Variants in IGSF22 observed in about 807,000 individuals in gnomAD.
IGSF22 encodes the protein immunoglobulin superfamily, member 22.
Under a neutral mutation model 127.0 loss-of-function variants are expected in IGSF22, and 119 were observed. The ratio of observed to expected loss-of-function variants is 0.94; its 90% CI spans 0.81 to 1.09. The LOEUF is 1.09. Among genes scored for constraint, IGSF22 ranks in the 50% least tolerant of loss-of-function variants. The pLI, the probability that IGSF22 is intolerant of heterozygous loss-of-function variation, is 0.00. For missense variants in IGSF22, 1,518 were observed against 1,716.6 expected (o/e 0.88, Z 2.04); for synonymous variants, 568 against 664.7 (o/e 0.85, Z 2.24).
In IGSF22 at chr11:18,706,104, T is replaced by C; in HGVS notation, c.3623A>G (p.Asp1208Gly). The C allele has an allele frequency of 1.3e-6, 2 of 1,546,752 alleles. No homozygotes were observed. The highest frequency in any genetic ancestry group is 2.4e-5 in the South Asian group (2 of 84,022). ...CACGAAGCGCGGCGCGTGGCGCCAG[T>C]CCTTCTTCTCGTAGGGCTTGAGCTT... ...SAKLKPYEKK[D>G]WRHAPRFVTP... The change falls in exon 22 of 23, where the codon GAC becomes GGC. Residue 1208 changes from aspartate (D) to glycine (G), a missense_variant. By Grantham distance (94) the Asp-to-Gly change is moderately conservative (BLOSUM62 -1). This residue lies in a region of IGSF22 where 1,456 missense variants were observed against 1,644.9 expected (regional missense o/e 0.89). Coordinates refer to ENST00000513874, the MANE Select transcript of IGSF22 (RefSeq NM_173588.4).
At position 18,706,153 on chromosome 11, in the gene IGSF22, G is replaced by C. The variant is rs1000724287; in HGVS notation, c.3581-7C>G. ...TTGGCGCTCAGGTCCTGGACTGCGC[G>C]GGCGGGGCGGGGCAGGCCGTGAGGG... On this transcript the variant is annotated splice_polypyrimidine_tract_variant and splice_region_variant and intron_variant, in intron 21 of 22. Transcript: ENST00000513874. 6.5e-7 allele frequency: 1 copy of C among 1,529,766 alleles called. No homozygotes were observed. The highest frequency in any genetic ancestry group is 8.8e-7 in the Non-Finnish European group (1 of 1,140,648). 94.8% of individuals were successfully genotyped at this position (1,529,766 alleles called of 1,614,324 possible).
intron 7 of IGSF22, 28 bp downstream of exon 7, chr11:18,719,688 A>G: frequency 6.2e-7 from 1 of 1,606,852 alleles, no homozygotes; most frequent in Non-Finnish European, 8.5e-7. Flanking sequence ...CCTAGCCTGC[A>G]GGCCCCTGCT....
Position 18,724,252 on chromosome 11 carries a change from G to A in IGSF22, c.-16C>T. 1.3e-6 allele frequency: 2 copies of A among 1,596,458 alleles called. No homozygotes were observed. Among genetic ancestry groups the A allele is most frequent in the Non-Finnish European group, 1.7e-6 (2 of 1,164,418 alleles). ...TGGTTGTCATGGTGACAGCAGGCGT[G>A]GGCACTCACCTGTGAGACTGGGGAA... On this transcript the variant is annotated 5_prime_UTR_variant, in exon 2 of 23. Transcript: ENST00000513874.
rs957946008 is a variant in IGSF22 at position 18,707,035 on chromosome 11, C to T, written c.3459G>A (p.Lys1153=). The T allele has an allele frequency of 1.3e-6, 2 of 1,551,556 alleles. No homozygotes were observed. The highest frequency in any genetic ancestry group is 1.7e-6 in the Non-Finnish European group (2 of 1,146,994). Residue 1153 remains lysine, a synonymous_variant, in exon 21 of 23, where the codon AAG becomes AAA. Transcript: ENST00000513874. ...CTGGGAGCAGCCCCGTCACTGTGTA[C>T]TTGTTGCTGAAGACACGCTCGGCTG... ...YTAAERVFSN[K]YTVTGLLPGR... is the part of the protein sequence containing the mutation.
Position 18,715,646 on chromosome 11 carries a change from C to T in IGSF22, c.1317G>A (p.Glu439=). ...TCACATCCTTGGATGTCAGCTCACA[C>T]TCCAGGCATGCGCGACTCCTCTCTT... ...RVKERSRACL[E]CELTSKDVTL... The change falls in exon 11 of 23, where the codon GAG becomes GAA. Residue 439 remains glutamate, a synonymous_variant. Coordinates refer to ENST00000513874, the MANE Select transcript of IGSF22 (RefSeq NM_173588.4). 3 of 1,614,018 alleles carry T rather than the reference C, an allele frequency of 1.9e-6. No individual in the cohort carries two copies.
At chr11:18,705,745 G>A in intron 22 of IGSF22, 72 bp downstream of exon 22, 2 of 1,350,174 alleles carry the variant, frequency 1.5e-6, no homozygotes, top group East Asian at 5.0e-5. Context: ...CCAAATAGTT[G>A]ACCAATGGCC....
rs1848247703 is a variant in IGSF22, at chr11:18,706,934, C to T, written c.3560G>A (p.Trp1187Ter). 6.6e-7 allele frequency: 1 copy of T among 1,514,880 alleles called. No homozygotes were observed. Among genetic ancestry groups the T allele is most frequent in the Non-Finnish European group, 8.9e-7 (1 of 1,127,176 alleles). 93.8% of individuals were successfully genotyped at this position (1,514,880 alleles called of 1,614,324 possible). A position where few individuals can be genotyped will look rare whatever the true frequency, so the allele number is the denominator to read the frequency against. The change falls in exon 21 of 23, where the codon TGG becomes TAG. Residue 1187 changes from tryptophan (W) to a stop codon, truncating the protein, a stop_gained. Transcript: ENST00000513874. LOFTEE classifies it high-confidence loss of function. ...DSEPLDSRDTWLINKDQIQDL... is the reference protein window; with the variant it reads ...DSEPLDSRDT ...CTCACTCTGGTCCTTATTGATGAGC[C>T]AGGTGTCCCTGGAGTCAAGTGGCTC...
rs1278466367 is a variant in IGSF22, at chr11:18,721,423, C to T, written c.378+112G>A. On this transcript the variant is annotated intron_variant, in intron 4 of 22. Coordinates refer to ENST00000513874, the MANE Select transcript of IGSF22 (RefSeq NM_173588.4). ...CAATGACAGCTGCTTTTCCCACTGC[C>T]CGGCTCTCGGGCCGCCGTTAAGGCT... 2.1e-6 allele frequency: 3 copies of T among 1,431,520 alleles called. No individual in the cohort carries two copies. The Admixed American group carries it at 5.4e-5, about 26-fold the overall frequency. 88.7% of individuals were successfully genotyped at this position (1,431,520 alleles called of 1,614,324 possible).
Position 18,721,910 on chromosome 11 carries a change from C to T in IGSF22, c.241G>A (p.Gly81Arg). The T allele has an allele frequency of 6.2e-7, 1 of 1,612,812 alleles. No individual in the cohort carries two copies. The highest frequency in any genetic ancestry group is 8.5e-7 in the Non-Finnish European group (1 of 1,180,028). The change falls in exon 3 of 23, where the codon GGG (glycine) becomes AGG (arginine). Residue 81 changes from glycine to arginine, a missense_variant and splice_region_variant. Transcript: ENST00000513874. ...EKPQPVTAPEGDKAVFRARVQ... is the reference protein window; with the variant it reads ...EKPQPVTAPERDKAVFRARVQ... ...CGGTGAGCCACAGGCAGCAACACAC[C>T]CTCGGGCGCGGTGACCGGTTGAGGC...
rs1848299930 is a variant in IGSF22, at chr11:18,709,010, C to T, written c.2998+377G>A. On this transcript the variant is annotated intron_variant, in intron 18 of 22. Coordinates refer to ENST00000513874, the MANE Select transcript of IGSF22 (RefSeq NM_173588.4). The surrounding 1 kb of genome is among the most constrained non-coding windows in gnomAD (Gnocchi z 4.8). ...TCCTGAGGCCCCAGTCAGAAGCAGG[C>T]TCCCTGGACTTTGAATTTTCGGGGA... Among the ~76,000 whole-genome samples the T allele has an allele frequency of 6.6e-6, 1 of 152,330 alleles. No homozygotes were observed. Among genetic ancestry groups the T allele is most frequent in the Non-Finnish European group, 1.5e-5 (1 of 68,034 alleles).
chr11:18,721,437 G>A, intron 4 of IGSF22, 98 bp downstream of exon 4: 3 of 1,522,196 alleles, frequency 2.0e-6, no homozygotes, highest in Non-Finnish European at 2.7e-6. Flanking sequence ...CTCTCGGGCC[G>A]CCGTTAAGGC....
chr11:18,721,707 C>A, intron 3 of IGSF22, 36 bp from the exon 4 acceptor site: 1 of 1,613,248 alleles, frequency 6.2e-7, no homozygotes, highest in Non-Finnish European at 8.5e-7. Context: ...CGCCTCTTAG[C>A]CACCAGGCTA....
At chr11:18,724,617 G>A (rs1848623193) in intron 1 of IGSF22, among the ~76,000 whole-genome samples, 2 of 152,282 alleles carry the variant, frequency 1.3e-5, no homozygotes, top group African/African-American at 2.4e-5. Context: ...TTCATCAGGA[G>A]GGAATGCAGT....
Position 18,720,172 on chromosome 11 carries a change from A to C in IGSF22, c.478+14T>G. 1.2e-6 allele frequency: 2 copies of C among 1,613,890 alleles called. No individual in the cohort carries two copies. Among genetic ancestry groups the C allele is most frequent in the Non-Finnish European group, 1.7e-6 (2 of 1,179,726 alleles). On this transcript the variant is annotated intron_variant, in intron 5 of 22. Transcript: ENST00000513874. ...TCCCTAAGAAGAAAGGCCAAGAGGAAGGGGCCAACTCACCTTCTGTTACCA... is the reference window on the plus strand; with the variant it reads ...TCCCTAAGAAGAAAGGCCAAGAGGACGGGGCCAACTCACCTTCTGTTACCA...
intron 1 of IGSF22, among the ~76,000 whole-genome samples, chr11:18,724,952 T>C (rs1449551134): frequency 2.0e-5 from 3 of 151,882 alleles, no homozygotes; most frequent in Admixed American, 6.6e-5. Flanking sequence ...CTAGGCTCCT[T>C]CTAGACCTCC....
intron 18 of IGSF22, 85 bp from the exon 19 acceptor site, chr11:18,708,380 A>T: frequency 9.6e-7 from 1 of 1,044,990 alleles, no homozygotes. Flanking sequence ...AGCCTTCCCA[A>T]CCTCTCCTCC....
Position 18,718,724 on chromosome 11 carries a change from A to G in IGSF22, c.701T>C (p.Ile234Thr), listed in dbSNP as rs1590452138. The G allele has an allele frequency of 3.8e-6, 6 of 1,598,054 alleles. No individual in the cohort carries two copies. Among genetic ancestry groups the G allele is most frequent in the Non-Finnish European group, 5.1e-6 (6 of 1,165,764 alleles). Residue 234 changes from isoleucine (I) to threonine (T), a missense_variant, in exon 8 of 23, where the codon ATC (isoleucine) becomes ACC (threonine). Ile to Thr is a moderately conservative substitution (Grantham distance 89). Coordinates refer to ENST00000513874, the MANE Select transcript of IGSF22 (RefSeq NM_173588.4). The part of the protein sequence containing the change: ...EMKKKVEVEA[I>T]RILKPLEDKE... ...GTCTTCCAGGGGCTTCAGAATCCGG[A>G]TGGCCTGAGAGATTATGATAATAAA... is the stretch of plus-strand genomic sequence containing the variant.
chr11:18,710,515 T>C, intron 16 of IGSF22, 60 bp from the exon 17 acceptor site: 2 of 1,605,186 alleles, frequency 1.2e-6, no homozygotes, highest in Non-Finnish European at 1.7e-6. Flanking sequence ...AGAACAAGAG[T>C]GAGAGACATA....
rs1848469257 is a variant in IGSF22, at chr11:18,716,725, C to T, written c.1246+3G>A. On this transcript the variant is annotated splice_donor_region_variant and intron_variant, in intron 10 of 22. Coordinates refer to ENST00000513874, the MANE Select transcript of IGSF22 (RefSeq NM_173588.4). This position sits in a 1 kb window ranked among gnomAD's most constrained non-coding sequence, Gnocchi z 4.5. Reference sequence around the variant, plus strand: ...CCCCTTAGGCTCTTGCCCAACCACTCACGGTCAACAGTGAGCTGGGCCTTT... The same window carrying T: ...CCCCTTAGGCTCTTGCCCAACCACTTACGGTCAACAGTGAGCTGGGCCTTT... 6.2e-7 allele frequency: 1 copy of T among 1,612,392 alleles called. No individual in the cohort carries two copies. Among genetic ancestry groups the T allele is most frequent in the African/African-American group, 1.3e-5 (1 of 74,914 alleles).
Sources: gnomAD v4.1 joint callset for allele counts (sites outside exome capture counted in the v4.1 genomes callset) on GRCh38, gnomAD v4.1.1 for gene constraint, gnomAD v4.1.1 regional missense constraint, Gnocchi (gnomAD v3.1) non-coding constraint, MANE v1.5 for transcripts, NCBI Gene and HGNC (gene_info 2026-07-23, HGNC 2026-07-21) for gene names.